The following EPM2A variants were observed in gnomAD, a reference collection of about 807,000 sequenced individuals.
EPM2A encodes EPM2A glucan phosphatase, laforin, also known as laforin.
Under a neutral mutation model 26.5 loss-of-function variants are expected in EPM2A, and 21 were observed. The ratio of observed to expected loss-of-function variants is 0.79; its 90% CI spans 0.56 to 1.14. The LOEUF is 1.14. Ranked by LOEUF, EPM2A falls within the 50% of genes most tolerant of loss-of-function variation. The pLI, the probability that EPM2A is intolerant of heterozygous loss-of-function variation, is 0.00. For synonymous variants in EPM2A, 217 were observed against 177.6 expected, an observed-to-expected ratio of 1.22 and a Z score of -1.76; for missense variants, 458 against 440.8, an observed-to-expected ratio of 1.04 and a Z score of -0.35.
At chr6:145,386,022 T>TTA (rs1378056047) in intron 4 of EPM2A, among the ~76,000 whole-genome samples, 3 of 152,090 alleles carry the variant, frequency 2.0e-5, no homozygotes, top group Admixed American at 2.0e-4. Flanking sequence ...TTCTACTATC[T>TTA]TACCAGGTAC....
intron 2 of EPM2A, among the ~76,000 whole-genome samples, chr6:145,619,649 T>C (rs904023927): frequency 4.6e-5 from 7 of 152,198 alleles, no homozygotes; most frequent in East Asian, 1.9e-4. Context: ...GTGGTAATCA[T>C]AGGTCTGTCC....
chr6:145,437,025 T>C (rs1250345184), intron 4 of EPM2A, among the ~76,000 whole-genome samples: 1 of 152,204 alleles, frequency 6.6e-6, no homozygotes, highest in Non-Finnish European at 1.5e-5. Context: ...AAAAGACATT[T>C]ATTTGATATG....
chr6:145,492,319 G>A lies in EPM2A; in HGVS notation c.555+10203C>T, dbSNP rs574268011. Reference sequence around the variant, plus strand: ...GCTGGGGTGAGTGCTTTTGGGTGCCGGCAGGAGCAAAATTCTGTGCGGCCC... The same window carrying A: ...GCTGGGGTGAGTGCTTTTGGGTGCCAGCAGGAGCAAAATTCTGTGCGGCCC... On this transcript the variant is annotated intron_variant, in intron 4 of 4. Transcript: ENST00000638717. Among the ~76,000 whole-genome samples the A allele has an allele frequency of 2.0e-3, 308 of 152,222 alleles. 2 individuals carry two copies. The highest frequency in any genetic ancestry group is 2.2e-3 in the Non-Finnish European group (149 of 68,008).
At chr6:145,688,920 G>C (rs1045968641) in intron 1 of EPM2A, among the ~76,000 whole-genome samples, 4 of 152,184 alleles carry the variant, frequency 2.6e-5, no homozygotes, top group Admixed American at 6.5e-5. Flanking sequence ...GTTTTGAATT[G>C]ATTGGATTAG....
intron 1 of EPM2A, 24 bp from the exon 2 acceptor site, chr6:145,686,320 C>A (rs746258778): frequency 1.3e-5 from 20 of 1,596,280 alleles, no homozygotes; most frequent in Non-Finnish European, 1.5e-5. Flanking sequence ...AAATGATAAA[C>A]AGAGCAATTA....
intron 2 of EPM2A, among the ~76,000 whole-genome samples, chr6:145,577,497 C>T (rs996657233): frequency 5.9e-5 from 9 of 151,630 alleles, no homozygotes; most frequent in African/African-American, 1.9e-4. Flanking sequence ...AAGGATATAA[C>T]AATAGTAAAT....
intron 4 of EPM2A, among the ~76,000 whole-genome samples, chr6:145,447,061 T>C (rs1476273947): frequency 6.6e-6 from 1 of 152,210 alleles, no homozygotes; most frequent in African/African-American, 2.4e-5. Context: ...TTTTCATTTA[T>C]TATATGTCTC....
At chr6:145,446,176 C>T (rs1779126234) in intron 4 of EPM2A, among the ~76,000 whole-genome samples, 1 of 152,176 alleles carries the variant, frequency 6.6e-6, no homozygotes, top group Non-Finnish European at 1.5e-5. Context: ...CATGTAACTG[C>T]AACCATATAA....
At chr6:145,471,837 C>T (rs1423846108) in intron 4 of EPM2A, among the ~76,000 whole-genome samples, 1 of 152,024 alleles carries the variant, frequency 6.6e-6, no homozygotes. Flanking sequence ...AGGACTGCAA[C>T]TCATTGGTAA....
intron 4 of EPM2A, among the ~76,000 whole-genome samples, chr6:145,466,721 T>C (rs940026967): frequency 6.6e-6 from 1 of 152,068 alleles, no homozygotes; most frequent in Non-Finnish European, 1.5e-5. Flanking sequence ...TTATTCACAA[T>C]AGCAAAGACT....
intron 4 of EPM2A, among the ~76,000 whole-genome samples, chr6:145,481,180 A>T (rs1779607892): frequency 6.6e-6 from 1 of 152,130 alleles, no homozygotes; most frequent in Admixed American, 6.6e-5. Flanking sequence ...GCTTTCTGTG[A>T]TTGCTTTTTG....
chr6:145,389,746 T>C (rs982409592), intron 4 of EPM2A, among the ~76,000 whole-genome samples: 2 of 152,160 alleles, frequency 1.3e-5, no homozygotes, highest in Non-Finnish European at 2.9e-5. Flanking sequence ...TACCTCCATT[T>C]TTCAGAGTAC....
At chr6:145,641,607 C>G (rs1011522370) in intron 2 of EPM2A, among the ~76,000 whole-genome samples, 1 of 152,172 alleles carries the variant, frequency 6.6e-6, no homozygotes, top group African/African-American at 2.4e-5. Context: ...TTTCAAATAT[C>G]CATACACCAG....
chr6:145,725,462 T>A (rs1015090388), intron 1 of EPM2A, among the ~76,000 whole-genome samples: 3 of 152,040 alleles, frequency 2.0e-5, no homozygotes, highest in African/African-American at 7.2e-5. Flanking sequence ...TAAAAATTCA[T>A]ACCTACACAA....
upstream of EPM2A, chr6:145,735,651 A>G (rs762667778): frequency 1.5e-5 from 16 of 1,083,712 alleles, no homozygotes; most frequent in Non-Finnish European, 1.8e-5. Context: ...TTTGGGATGC[A>G]TCACGCGGCT....
intron 2 of EPM2A, among the ~76,000 whole-genome samples, chr6:145,572,820 T>C (rs1780977233): frequency 6.6e-6 from 1 of 152,182 alleles, no homozygotes; most frequent in African/African-American, 2.4e-5. Flanking sequence ...TTTCTCCTGT[T>C]CTGGAACCCA....
chr6:145,511,802 G>A (rs1462960910), intron 2 of EPM2A, among the ~76,000 whole-genome samples: 1 of 152,112 alleles, frequency 6.6e-6, no homozygotes, highest in East Asian at 1.9e-4. Flanking sequence ...CATTCAGATT[G>A]GGAAAGAGGA....
At chr6:145,403,987 G>C (rs1778532347) in intron 4 of EPM2A, among the ~76,000 whole-genome samples, 1 of 152,128 alleles carries the variant, frequency 6.6e-6, no homozygotes, top group Non-Finnish European at 1.5e-5. Context: ...GTGCATTCTA[G>C]TTTTGATTTG....
intron 2 of EPM2A, among the ~76,000 whole-genome samples, chr6:145,659,602 T>C (rs1188493945): frequency 6.6e-6 from 1 of 152,184 alleles, no homozygotes; most frequent in African/African-American, 2.4e-5. Context: ...AGATTTAAAC[T>C]AGAGATCAAT....
Sources: allele counts gnomAD v4.1 joint callset (sites outside exome capture counted in the v4.1 genomes callset), GRCh38; gene constraint gnomAD v4.1.1; transcripts MANE v1.5; gene names NCBI Gene and HGNC (gene_info 2026-07-23, HGNC 2026-07-21).